STOX1: variants seen among roughly 807,000 people sequenced by gnomAD.
STOX1 encodes storkhead box 1.
STOX1 carries 57 observed loss-of-function variants against 74.8 expected under a neutral mutation model. The ratio of observed to expected loss-of-function variants is 0.76; its 90% CI spans 0.62 to 0.95. The LOEUF is 0.95. Ranked by LOEUF, STOX1 falls within the 40% of genes least tolerant of loss-of-function variation. The probability of loss-of-function intolerance (pLI) is 0.00; values close to 1 mark genes in which losing one functional copy is unlikely to be tolerated. For missense variants in STOX1, 1,010 were observed against 1,117.0 expected, an observed-to-expected ratio of 0.90 and a Z score of 1.37; for synonymous variants, 375 against 401.3, an observed-to-expected ratio of 0.93 and a Z score of 0.78.
chr10:68,877,469 G>A (rs1464708696), intron 1 of STOX1, among the ~76,000 whole-genome samples: 3 of 152,136 alleles, frequency 2.0e-5, no homozygotes, highest in African/African-American at 7.2e-5. Flanking sequence ...AGTAATTATA[G>A]ATTCACAGGA....
At chr10:68,876,709 T>A (rs1041802671) in intron 1 of STOX1, among the ~76,000 whole-genome samples, 1 of 152,152 alleles carries the variant, frequency 6.6e-6, no homozygotes, top group African/African-American at 2.4e-5. Flanking sequence ...GCTCAAAGTC[T>A]CTCCTTAGCC....
chr10:68,866,787 C>CG (rs978841771), intron 1 of STOX1, among the ~76,000 whole-genome samples: 23 of 152,186 alleles, frequency 1.5e-4, no homozygotes, highest in African/African-American at 5.1e-4. Flanking sequence ...CTGGCTGTGG[C>CG]GGGGGACAAG....
Position 68,857,817 on chromosome 10 carries a change from A to G in STOX1, c.311-24141A>G, listed in dbSNP as rs1271570785. ...GGCTGGAGCCTGAGGTGGTGGTGGG[A>G]AAGGGAGGAGGTGGCCTGGGCATGA... On this transcript the variant is annotated intron_variant, in intron 1 of 3. Coordinates refer to ENST00000298596, the MANE Select transcript of STOX1 (RefSeq NM_152709.5). 2.0e-5 allele frequency among the ~76,000 whole-genome samples: 3 copies of G among 152,016 alleles called. No homozygotes were observed. In the South Asian group the frequency reaches 6.2e-4, roughly 32 times the overall value.
chr10:68,848,897 T>C (rs993948675), intron 1 of STOX1, among the ~76,000 whole-genome samples: 1 of 152,148 alleles, frequency 6.6e-6, no homozygotes, highest in South Asian at 2.1e-4. Context: ...CTCAAACTCC[T>C]GGGCTCAAGC....
intron 1 of STOX1, among the ~76,000 whole-genome samples, chr10:68,835,840 A>G (rs558552761): frequency 6.6e-6 from 1 of 152,332 alleles, no homozygotes; most frequent in South Asian, 2.1e-4. Flanking sequence ...CAGATGACCC[A>G]GAACCACTGT....
intron 1 of STOX1, among the ~76,000 whole-genome samples, chr10:68,871,188 C>T (rs891209955): frequency 2.0e-5 from 3 of 152,152 alleles, no homozygotes; most frequent in Admixed American, 1.3e-4. Context: ...TGGTTTGAGT[C>T]GGTCATTCCT....
At chr10:68,849,548 T>C (rs1050804328) in intron 1 of STOX1, among the ~76,000 whole-genome samples, 2 of 152,156 alleles carry the variant, frequency 1.3e-5, no homozygotes, top group South Asian at 4.1e-4. Flanking sequence ...CAGGGAGCTG[T>C]GGAAGGAGCC....
Position 68,855,172 on chromosome 10 carries a change from G to A in STOX1, c.311-26786G>A, listed in dbSNP as rs992472127. Among the ~76,000 whole-genome samples the A allele has an allele frequency of 2.0e-5, 3 of 149,830 alleles. 1 individual carries two copies. Among genetic ancestry groups the A allele is most frequent in the African/African-American group, 7.4e-5 (3 of 40,642 alleles). ...GTCTTGCTCTGTCACCCAGGCTGGA[G>A]TGCAGTGGCGTGATCTTGGCTCACT... On this transcript the variant is annotated intron_variant, in intron 1 of 3. Coordinates refer to ENST00000298596, the MANE Select transcript of STOX1 (RefSeq NM_152709.5).
At chr10:68,841,011 G>A (rs914560906) in intron 1 of STOX1, among the ~76,000 whole-genome samples, 2 of 151,492 alleles carry the variant, frequency 1.3e-5, no homozygotes, top group Non-Finnish European at 2.9e-5. Flanking sequence ...GCAGTGGTGC[G>A]ATCCTGGCTT....
intron 1 of STOX1, among the ~76,000 whole-genome samples, chr10:68,876,114 A>C (rs1312893419): frequency 1.3e-5 from 1 of 78,604 alleles, no homozygotes; most frequent in Admixed American, 1.7e-4. Context: ...TCTGGTCTTT[A>C]CCAGAATATA....
At chr10:68,861,430 G>A (rs1385868867) in intron 1 of STOX1, among the ~76,000 whole-genome samples, 3 of 152,148 alleles carry the variant, frequency 2.0e-5, no homozygotes, top group African/African-American at 7.2e-5. Flanking sequence ...GGGTGGGCCA[G>A]GTGTTCCTTG....
chr10:68,894,964 T>TC (rs1460454955), downstream of STOX1, among the ~76,000 whole-genome samples: 1 of 152,142 alleles, frequency 6.6e-6, no homozygotes, highest in Non-Finnish European at 1.5e-5. Flanking sequence ...CCTCAAGCAA[T>TC]CCTCCCACCT....
intron 1 of STOX1, among the ~76,000 whole-genome samples, chr10:68,840,971 A>C (rs759583674): frequency 1.5e-4 from 22 of 149,878 alleles, no homozygotes; most frequent in Non-Finnish European, 2.7e-4. Flanking sequence ...TTTTGGAGAC[A>C]GTGTCTCGCT....
In STOX1 at chr10:68,886,461, C is replaced by T. The variant is rs1175123239; in HGVS notation, c.2665C>T (p.Gln889Ter). The T allele has an allele frequency of 1.2e-6, 2 of 1,613,976 alleles. No individual in the cohort carries two copies. Among genetic ancestry groups the T allele is most frequent in the Non-Finnish European group, 1.7e-6 (2 of 1,180,038 alleles). Residue 889 changes from glutamine to a stop codon, truncating the protein, a stop_gained, in exon 3 of 4, where the codon CAG (glutamine) becomes TAG (stop). Transcript: ENST00000298596. LOFTEE classifies it high-confidence loss of function. ...KKPASWSQSP[Q>*]NQEMRKHFPQ... ...GCCAGCTAGCTGGAGTCAGAGTCCTCAGAATCAGGAAATGAGAAAACATTT... is the reference window on the plus strand; with the variant it reads ...GCCAGCTAGCTGGAGTCAGAGTCCTTAGAATCAGGAAATGAGAAAACATTT...
At chr10:68,833,003 C>T (rs1825996402) in intron 1 of STOX1, among the ~76,000 whole-genome samples, 1 of 151,220 alleles carries the variant, frequency 6.6e-6, no homozygotes, top group South Asian at 2.1e-4. Context: ...CTCCTGGGCT[C>T]AAACAATCCT....
At chr10:68,840,039 T>C (rs901868947) in intron 1 of STOX1, among the ~76,000 whole-genome samples, 2 of 152,074 alleles carry the variant, frequency 1.3e-5, no homozygotes, top group Non-Finnish European at 2.9e-5. Context: ...CCCACACATA[T>C]ACAGTTAACT....
At chr10:68,836,919 C>T (rs947729513) in intron 1 of STOX1, among the ~76,000 whole-genome samples, 1 of 152,176 alleles carries the variant, frequency 6.6e-6, no homozygotes, top group Non-Finnish European at 1.5e-5. Flanking sequence ...TTAGTACTGC[C>T]CAGACATCTT....
In STOX1 at chr10:68,885,599, G is replaced by T. The variant is rs377575423; in HGVS notation, c.1803G>T (p.Met601Ile). 1.3e-5 allele frequency: 21 copies of T among 1,614,060 alleles called. No homozygotes were observed. The highest frequency in any genetic ancestry group is 1.5e-5 in the Non-Finnish European group (18 of 1,180,034). The change falls in exon 3 of 4, where the codon ATG (methionine) becomes ATT (isoleucine). Residue 601 changes from methionine (M) to isoleucine (I), a missense_variant. Coordinates refer to ENST00000298596, the MANE Select transcript of STOX1 (RefSeq NM_152709.5). ...ATGATGGTAAATGCTGTCCCTTTAT[G>T]GAAAGCATGTTGAGATATGAAGTGT... is the stretch of plus-strand genomic sequence containing the variant. ...LQNDGKCCPF[M>I]ESMLRYEVYG...
Position 68,885,839 on chromosome 10 carries a change from A to C in STOX1, c.2043A>C (p.Leu681Phe). The C allele has an allele frequency of 6.2e-7, 1 of 1,614,082 alleles. No individual in the cohort carries two copies. The highest frequency in any genetic ancestry group is 8.5e-7 in the Non-Finnish European group (1 of 1,180,034). ...LLDYPVGVNPLRQAARQDKDS... is the reference protein window; with the variant it reads ...LLDYPVGVNPFRQAARQDKDS... ...ATTACCCAGTTGGCGTGAACCCTTT[A>C]AGACAAGCTGCAAGACAAGACAAAG... Residue 681 changes from leucine (L) to phenylalanine (F), a missense_variant, in exon 3 of 4, where the codon TTA becomes TTC. Coordinates refer to ENST00000298596, the MANE Select transcript of STOX1 (RefSeq NM_152709.5).
Sources: gnomAD v4.1 joint callset for allele counts (sites outside exome capture counted in the v4.1 genomes callset) on GRCh38, gnomAD v4.1.1 for gene constraint, MANE v1.5 for transcripts, NCBI Gene and HGNC (gene_info 2026-07-23, HGNC 2026-07-21) for gene names.